ERC1: variants seen among roughly 807,000 people sequenced by gnomAD.
ERC1 encodes ELKS/RAB6-interacting/CAST family member 1.
Under a neutral mutation model 132.0 loss-of-function variants are expected in ERC1, and 56 were observed. The ratio of observed to expected loss-of-function variants is 0.42; its 90% CI spans 0.34 to 0.53. The LOEUF (loss-of-function observed/expected upper bound fraction) is 0.53, where lower values mean the gene tolerates loss of function less well. Among genes scored for constraint, ERC1 ranks in the 20% least tolerant of loss-of-function variants. The pLI, the probability that ERC1 is intolerant of heterozygous loss-of-function variation, is 0.03. For synonymous variants in ERC1, 478 were observed against 476.1 expected (o/e 1.00, Z -0.05); for missense variants, 1,202 against 1,349.9 (o/e 0.89, Z 1.72).
chr12:1,196,982 T>A (rs1295498239), intron 12 of ERC1, among the ~76,000 whole-genome samples: 846 of 63,648 alleles, frequency 0.013, 34 homozygotes, highest in African/African-American at 0.043. Flanking sequence ...ATATATTTTT[T>A]TTTTTTTTTT....
intron 14 of ERC1, among the ~76,000 whole-genome samples, chr12:1,286,039 G>A (rs2079021064): frequency 6.6e-6 from 1 of 152,066 alleles, no homozygotes; most frequent in Admixed American, 6.5e-5. Context: ...TAGAGATGGA[G>A]TCCCAGCACT....
chr12:1,284,374 A>G (rs1028818886), intron 14 of ERC1, among the ~76,000 whole-genome samples: 1 of 150,960 alleles, frequency 6.6e-6, no homozygotes, highest in Non-Finnish European at 1.5e-5. Context: ...TATTTTGGCT[A>G]TTGTGAACAG....
Position 1,448,653 on chromosome 12 carries a change from A to G in ERC1, c.3213+3903A>G, listed in dbSNP as rs373522392. ...CTGACATTTGCATTTTTCACCTCAT[A>G]TCTCCAATGCATTTCACTGCCACCA... On this transcript the variant is annotated intron_variant, in intron 18 of 18. Coordinates refer to ENST00000360905, the MANE Select transcript of ERC1 (RefSeq NM_178040.4). Among the ~76,000 whole-genome samples the G allele has an allele frequency of 1.4e-4, 22 of 152,320 alleles. No individual in the cohort carries two copies. The East Asian group carries it at 3.9e-3, about 27-fold the overall frequency.
intron 13 of ERC1, among the ~76,000 whole-genome samples, chr12:1,255,841 A>G (rs141037072): frequency 0.039 from 5,959 of 151,016 alleles, 175 homozygotes; most frequent in East Asian, 0.073. Context: ...GGGTTTCACC[A>G]TGTTAGCCAG....
rs1555268127 is a variant in ERC1, at chr12:1,144,613, G to GGTATATATATATATATATATATACGT, written c.1737+2847_1737+2848insTACGTGTATATATATATATATATATA. 4.4e-4 allele frequency among the ~76,000 whole-genome samples: 56 copies of GGTATATATATATATATATATATACGT among 126,282 alleles called. 2 individuals are homozygous for GGTATATATATATATATATATATACGT. Among genetic ancestry groups the GGTATATATATATATATATATATACGT allele is most frequent in the African/African-American group, 2.1e-3 (50 of 24,350 alleles). The allele number at this position is 126,282 out of a possible 152,430, so 82.8% of individuals were successfully genotyped here. A position where few individuals can be genotyped will look rare whatever the true frequency, so the allele number is the denominator to read the frequency against. On this transcript the variant is annotated intron_variant, in intron 8 of 18. Transcript: ENST00000360905. ...TTTTTATGGCTGAGTAGAATTTTGT[G>GGTATATATATATATATATATATACGT]GTATATATATATATATATATACGTG...
intron 18 of ERC1, among the ~76,000 whole-genome samples, chr12:1,447,813 C>T (rs946714738): frequency 1.3e-5 from 2 of 151,912 alleles, no homozygotes; most frequent in African/African-American, 4.8e-5. Context: ...CCGTGCCCAG[C>T]TGATTTTTTG....
chr12:1,020,254 T>G (rs961587883), intron 1 of ERC1, among the ~76,000 whole-genome samples: 2 of 152,120 alleles, frequency 1.3e-5, no homozygotes, highest in Admixed American at 6.5e-5. Flanking sequence ...ATCAGGAGTT[T>G]GAGACCAGCC....
chr12:1,274,183 C>A (rs1443560955), intron 14 of ERC1, among the ~76,000 whole-genome samples: 3 of 152,068 alleles, frequency 2.0e-5, no homozygotes, highest in Admixed American at 1.3e-4. Flanking sequence ...AACATGCCAC[C>A]CCAGCATTGT....
chr12:1,432,678 A>C (rs1289789515), intron 17 of ERC1, among the ~76,000 whole-genome samples: 1 of 152,198 alleles, frequency 6.6e-6, no homozygotes, highest in Non-Finnish European at 1.5e-5. Flanking sequence ...ACTGTTACCA[A>C]AGCAACTTGT....
intron 1 of ERC1, among the ~76,000 whole-genome samples, chr12:1,002,935 A>T (rs557753932): frequency 6.6e-6 from 1 of 150,784 alleles, no homozygotes; most frequent in African/African-American, 2.5e-5. Flanking sequence ...TTTCCACCTT[A>T]CTCTGTGGCT....
intron 7 of ERC1, among the ~76,000 whole-genome samples, chr12:1,139,836 A>G (rs1430865602): frequency 6.6e-6 from 1 of 152,130 alleles, no homozygotes; most frequent in Non-Finnish European, 1.5e-5. Context: ...AGGTCATGCT[A>G]TGGACAAAGG....
rs148563190 is a variant in ERC1 at position 1,450,826 on chromosome 12, G to A, written c.3213+6076G>A. Among the ~76,000 whole-genome samples the A allele has an allele frequency of 6.2e-3, 950 of 152,240 alleles. 13 individuals are homozygous for A. The highest frequency in any genetic ancestry group is 0.021 in the African/African-American group (888 of 41,538). On this transcript the variant is annotated intron_variant, in intron 18 of 18. Coordinates refer to ENST00000360905, the MANE Select transcript of ERC1 (RefSeq NM_178040.4). ...AACACTTGTTATTTTGTAGTCTTTC[G>A]TGTGTTTTTTAAATAGTAGCCACCC...
rs4017792 is a variant in ERC1 at position 1,143,329 on chromosome 12, C to CGTGTGTGTGTGTGTGT, written c.1737+1579_1737+1594dup. On this transcript the variant is annotated intron_variant, in intron 8 of 18. Coordinates refer to ENST00000360905, the MANE Select transcript of ERC1 (RefSeq NM_178040.4). ...TCCTAGCTCTGTTTGGCTTTTGACT[C>CGTGTGTGTGTGTGTGT]GTGTGTGTGTGTGTGTGTGTGTGTG... Among the ~76,000 whole-genome samples the CGTGTGTGTGTGTGTGT allele has an allele frequency of 2.7e-4, 35 of 128,970 alleles. 2 individuals are homozygous for CGTGTGTGTGTGTGTGT. In the East Asian group the frequency reaches 3.1e-3, roughly 12 times the overall value. The allele number at this position is 128,970 out of a possible 152,430, so 84.6% of individuals were successfully genotyped here. A position where few individuals can be genotyped will look rare whatever the true frequency, so the allele number is the denominator to read the frequency against.
intron 8 of ERC1, among the ~76,000 whole-genome samples, chr12:1,178,063 C>T (rs1013780431): frequency 2.0e-5 from 3 of 152,236 alleles, no homozygotes; most frequent in Admixed American, 2.0e-4. Flanking sequence ...AGTGGTTCAC[C>T]CATACGATTA....
chr12:1,077,604 A>C (rs1158896934), intron 2 of ERC1, among the ~76,000 whole-genome samples: 1 of 152,190 alleles, frequency 6.6e-6, no homozygotes, highest in Non-Finnish European at 1.5e-5. Context: ...TTAGAGTGAG[A>C]AGTAGACTAG....
At chr12:1,286,311 A>G (rs1174516337) in intron 14 of ERC1, among the ~76,000 whole-genome samples, 1 of 151,212 alleles carries the variant, frequency 6.6e-6, no homozygotes, top group Non-Finnish European at 1.5e-5. Flanking sequence ...AAAAAAAAAA[A>G]GAAAACTAAT....
chr12:1,408,426 A>AGTTGGT (rs4017715), intron 17 of ERC1, among the ~76,000 whole-genome samples, 179 bp downstream of exon 17: 40,008 of 152,198 alleles, frequency 0.26, 9,319 homozygotes, highest in African/African-American at 0.63. Context: ...CTTTATAGGA[A>AGTTGGT]GAACTGGATA....
At chr12:1,487,757 C>G (rs4319566) in intron 18 of ERC1, among the ~76,000 whole-genome samples, 72,178 of 131,650 alleles carry the variant, frequency 0.55, 20,170 homozygotes, top group Middle Eastern at 0.69. Context: ...GGGTAGGAGG[C>G]AAGGAGGGAG....
At chr12:1,425,202 A>G (rs555116262) in intron 17 of ERC1, among the ~76,000 whole-genome samples, 2 of 152,324 alleles carry the variant, frequency 1.3e-5, no homozygotes, top group Admixed American at 6.5e-5. Context: ...TTCCTGGAAC[A>G]TAAAGCACAT....
Sources: gnomAD v4.1 joint callset for allele counts (sites outside exome capture counted in the v4.1 genomes callset) on GRCh38, gnomAD v4.1.1 for gene constraint, MANE v1.5 for transcripts, NCBI Gene and HGNC (gene_info 2026-07-23, HGNC 2026-07-21) for gene names.